Variants in CACTIN observed in about 807,000 individuals in gnomAD.
CACTIN encodes the protein cactin, spliceosome C complex subunit.
CACTIN carries 20 observed loss-of-function variants against 84.9 expected under a neutral mutation model. The ratio of observed to expected loss-of-function variants is 0.24; its 90% confidence interval spans 0.17 to 0.34. The LOEUF (loss-of-function observed/expected upper bound fraction) is 0.34. Ranked by LOEUF, CACTIN falls within the 10% of genes least tolerant of loss-of-function variation. The pLI is 1.00. For synonymous variants in CACTIN, 549 were observed against 467.9 expected (o/e 1.17, Z -2.24); for missense variants, 897 against 1,117.2 (o/e 0.80, Z 2.81).
intron 1 of CACTIN, among the ~76,000 whole-genome samples, chr19:3,624,778 G>A (rs2033300124): frequency 6.6e-6 from 1 of 152,168 alleles, no homozygotes. Flanking sequence ...ATGGACAGGA[G>A]TTAACAGAGT....
At chr19:3,625,399 C>T (rs74550035) in intron 1 of CACTIN, among the ~76,000 whole-genome samples, 4,497 of 152,040 alleles carry the variant, frequency 0.03, 109 homozygotes, top group Middle Eastern at 0.075. Context: ...ATTCCAATAC[C>T]AGAAAATGGT....
chr19:3,617,494 C>T (rs901189617), intron 6 of CACTIN, among the ~76,000 whole-genome samples: 2 of 152,136 alleles, frequency 1.3e-5, no homozygotes, highest in African/African-American at 4.8e-5. Flanking sequence ...GAGGGCTGAG[C>T]GACGTGGTGG....
rs781394325 is a variant in CACTIN, at chr19:3,612,004, G to A, written c.2196C>T (p.His732=). The A allele has an allele frequency of 1.2e-6, 2 of 1,613,516 alleles. No homozygotes were observed. Among genetic ancestry groups the A allele is most frequent in the Non-Finnish European group, 1.7e-6 (2 of 1,179,898 alleles). ...CAAACTGGCAGCGGAAGCCGTGGCG[G>A]TGCGAGTATTCCCACTCGCGGTTGA... ...KIVNREWEYS[H]RHGFRCQFAN... The change falls in exon 10 of 10, where the codon CAC becomes CAT. Residue 732 remains histidine (H), a synonymous_variant. Transcript: ENST00000429344.
intron 7 of CACTIN, 181 bp from the exon 8 acceptor site, chr19:3,613,767 G>A (rs2033037385): frequency 3.9e-6 from 3 of 773,596 alleles, no homozygotes; most frequent in Admixed American, 3.0e-5. Context: ...TGGGAGAGAG[G>A]ACGAGAGGAC....
chr19:3,623,174 GCAGTTAGCCA>G (rs1336939811), intron 2 of CACTIN, among the ~76,000 whole-genome samples: 1 of 152,228 alleles, frequency 6.6e-6, no homozygotes, highest in African/African-American at 2.4e-5. Context: ...GGTCAAGGCT[GCAGTTAGCCA>G]CGATCACGCC....
In CACTIN at chr19:3,613,593, C is replaced by T. The variant is rs371264145; in HGVS notation, c.1356-7G>A. On this transcript the variant is annotated splice_region_variant and splice_polypyrimidine_tract_variant and intron_variant, in intron 7 of 9. Coordinates refer to ENST00000429344, the MANE Select transcript of CACTIN (RefSeq NM_001080543.2). Reference sequence around the variant, plus strand: ...CTGGTGGCGCTCACGCAGCCTGGGACGCAGAGCCGGGGTCACCCGCATGGA... The same window carrying T: ...CTGGTGGCGCTCACGCAGCCTGGGATGCAGAGCCGGGGTCACCCGCATGGA... 5.6e-6 allele frequency: 9 copies of T among 1,598,228 alleles called. No homozygotes were observed. Among genetic ancestry groups the T allele is most frequent in the East Asian group, 2.2e-5 (1 of 44,662 alleles).
At chr19:3,612,957 C>T in intron 9 of CACTIN, 101 bp downstream of exon 9, 1 of 1,378,584 alleles carries the variant, frequency 7.3e-7, no homozygotes, top group Non-Finnish European at 9.9e-7. Flanking sequence ...AAGCAGCTCC[C>T]CACTGACGCC....
In CACTIN at chr19:3,612,800, GGGAGTGCTC is replaced by G. The variant is rs552796616; in HGVS notation, c.1786+249_1786+257del. Reference sequence around the variant, plus strand: ...TCTGTCTTAGGACGGAGGCTGCCCAGGGAGTGCTCGGACAGCGGCCGGTAAAAGCTTCCA... The same window carrying G: ...TCTGTCTTAGGACGGAGGCTGCCCAGGGACAGCGGCCGGTAAAAGCTTCCA... On this transcript the variant is annotated intron_variant, in intron 9 of 9. Coordinates refer to ENST00000429344, the MANE Select transcript of CACTIN (RefSeq NM_001080543.2). 293 of 703,990 alleles carry G rather than the reference GGGAGTGCTC, an allele frequency of 4.2e-4. 1 individual carries two copies. In the African/African-American group the frequency reaches 4.2e-3, roughly 10 times the overall value. 43.6% of individuals were successfully genotyped at this position (703,990 alleles called of 1,614,324 possible).
At chr19:3,619,860 TGGGA>T (rs2033186069) in intron 4 of CACTIN, among the ~76,000 whole-genome samples, 1 of 152,138 alleles carries the variant, frequency 6.6e-6, no homozygotes, top group Non-Finnish European at 1.5e-5. Context: ...GGGTGGAGTG[TGGGA>T]GGGACAACTG....
At chr19:3,625,131 A>G (rs1398492693) in intron 1 of CACTIN, among the ~76,000 whole-genome samples, 2 of 152,148 alleles carry the variant, frequency 1.3e-5, no homozygotes, top group Non-Finnish European at 2.9e-5. Flanking sequence ...GGCTCAGGCA[A>G]GCCTCCTGTC....
At chr19:3,614,645 A>T in intron 6 of CACTIN, 56 bp from the exon 7 acceptor site, 1 of 1,447,498 alleles carries the variant, frequency 6.9e-7, no homozygotes, top group South Asian at 1.2e-5. Context: ...GTGCTCCTCC[A>T]CCCCATCAGG....
rs201334477 is a variant in CACTIN at position 3,617,469 on chromosome 19, C to T, written c.1162+1406G>A. Among the ~76,000 whole-genome samples the T allele has an allele frequency of 4.6e-5, 7 of 152,210 alleles. No individual in the cohort carries two copies. In the East Asian group the frequency reaches 7.7e-4, roughly 17 times the overall value. Reference sequence around the variant, plus strand: ...AGCCACCTGGGGTCCCCAACTGTAACGCGTGAGGGGAAAGGAGGGCTGAGC... The same window carrying T: ...AGCCACCTGGGGTCCCCAACTGTAATGCGTGAGGGGAAAGGAGGGCTGAGC... On this transcript the variant is annotated intron_variant, in intron 6 of 9. Transcript: ENST00000429344.
chr19:3,613,457 G>C lies in CACTIN; in HGVS notation c.1478+7C>G. ...ATCGGCGTCCCCGGGGTGCCGGCCG[G>C]GCCTACCTGCGGCTGGGGGACTGGG... On this transcript the variant is annotated splice_region_variant and intron_variant, in intron 8 of 9. Coordinates refer to ENST00000429344, the MANE Select transcript of CACTIN (RefSeq NM_001080543.2). 1 of 1,573,524 alleles carries C rather than the reference G, an allele frequency of 6.4e-7. No homozygotes were observed. Among genetic ancestry groups the C allele is most frequent in the Non-Finnish European group, 8.6e-7 (1 of 1,164,704 alleles).
At chr19:3,626,022 C>T (rs529408885) in intron 1 of CACTIN, among the ~76,000 whole-genome samples, 2 of 152,338 alleles carry the variant, frequency 1.3e-5, no homozygotes, top group Admixed American at 1.3e-4. Flanking sequence ...CAGCCCACCT[C>T]CATTAGCAAA....
chr19:3,619,197 C>A lies in CACTIN; in HGVS notation c.930G>T (p.Leu310=), dbSNP rs750178298. 6.2e-7 allele frequency: 1 copy of A among 1,613,608 alleles called. No homozygotes were observed. The highest frequency in any genetic ancestry group is 2.2e-5 in the East Asian group (1 of 44,870). ...CCTCAGCGCTGATGTACTTGGCCAGCAGGTCGATGGGCTTGGCCCGCCCGT... is the reference window on the plus strand; with the variant it reads ...CCTCAGCGCTGATGTACTTGGCCAGAAGGTCGATGGGCTTGGCCCGCCCGT... ...IRDGRAKPID[L]LAKYISAEDD... The change falls in exon 5 of 10, where the codon CTG becomes CTT. Residue 310 remains leucine (L), a synonymous_variant. Coordinates refer to ENST00000429344, the MANE Select transcript of CACTIN (RefSeq NM_001080543.2).
intron 6 of CACTIN, 44 bp downstream of exon 6, chr19:3,618,831 G>T: frequency 7.0e-7 from 1 of 1,422,816 alleles, no homozygotes; most frequent in Non-Finnish European, 9.6e-7. Flanking sequence ...GAACACTGTA[G>T]CCCCCGCAGC....
In CACTIN at chr19:3,624,033, C is replaced by G. The variant is rs1177776551; in HGVS notation, c.297G>C (p.Trp99Cys). 1.9e-6 allele frequency: 3 copies of G among 1,605,452 alleles called. No homozygotes were observed. The highest frequency in any genetic ancestry group is 1.7e-4 in the Middle Eastern group (1 of 6,056). ...DSGEEQSRGQ[W>C]ARRRRRARSW... Reference sequence around the variant, plus strand: ...AGCGTGCGCGCCGTCGCCGGCGAGCCCACTGGCCCCGTGACTGCTCCTCTC... The same window carrying G: ...AGCGTGCGCGCCGTCGCCGGCGAGCGCACTGGCCCCGTGACTGCTCCTCTC... The change falls in exon 2 of 10, where the codon TGG (tryptophan) becomes TGC (cysteine). Residue 99 changes from tryptophan (W) to cysteine (C), a missense_variant. Transcript: ENST00000429344.
chr19:3,614,817 G>C, intron 6 of CACTIN: 1 of 582,982 alleles, frequency 1.7e-6, no homozygotes, highest in Non-Finnish European at 3.1e-6. Flanking sequence ...TGCAGTTGCT[G>C]AGGCCTTGAC....
chr19:3,613,124 G>A lies in CACTIN; in HGVS notation c.1720C>T (p.His574Tyr). ...LTAHELPLDA[H>Y]VLEPDEDLQR... is the part of the protein sequence containing the mutation. Reference sequence around the variant, plus strand: ...AGGTCCTCATCCGGTTCCAGCACGTGCGCGTCCAGTGGCAGCTCGTGCGCC... The same window carrying A: ...AGGTCCTCATCCGGTTCCAGCACGTACGCGTCCAGTGGCAGCTCGTGCGCC... The change falls in exon 9 of 10, where the codon CAC becomes TAC. Residue 574 changes from histidine (H) to tyrosine (Y), a missense_variant. Coordinates refer to ENST00000429344, the MANE Select transcript of CACTIN (RefSeq NM_001080543.2). 1 of 1,606,742 alleles carries A rather than the reference G, an allele frequency of 6.2e-7. No homozygotes were observed. The highest frequency in any genetic ancestry group is 8.5e-7 in the Non-Finnish European group (1 of 1,178,842).
Sources: gnomAD v4.1 joint callset for allele counts (sites outside exome capture counted in the v4.1 genomes callset) on GRCh38, gnomAD v4.1.1 for gene constraint, MANE v1.5 for transcripts, NCBI Gene and HGNC (gene_info 2026-07-23, HGNC 2026-07-21) for gene names.